The following NELL2 variants were observed in gnomAD, a reference collection of about 807,000 sequenced individuals.
NELL2 encodes neural EGFL like 2, also known as protein kinase C-binding protein NELL2.
A neutral mutation model predicts 109.6 loss-of-function variants in NELL2; 41 were observed. The observed-to-expected ratio is 0.37, with a 90% CI of 0.29 to 0.49. The LOEUF (loss-of-function observed/expected upper bound fraction) is 0.49, where lower values mean the gene tolerates loss of function less well. Among genes scored for constraint, NELL2 ranks in the 20% least tolerant of loss-of-function variants. The pLI, the probability that NELL2 is intolerant of heterozygous loss-of-function variation, is 0.98. For synonymous variants in NELL2, 355 were observed against 344.7 expected, an observed-to-expected ratio of 1.03 and a Z score of -0.33; for missense variants, 900 against 1,008.3, an observed-to-expected ratio of 0.89 and a Z score of 1.45.
At position 44,705,394 on chromosome 12, in the gene NELL2, A is replaced by G. The variant is rs542431970; in HGVS notation, c.1190-1540T>C. On this transcript the variant is annotated intron_variant, in intron 11 of 19. Transcript: ENST00000429094. ...TATTAAGTCCAGAAAAATATAGTCA[A>G]TAACAGCATTTAAAATACTTGGCAA... is the stretch of plus-strand genomic sequence containing the variant. Among the ~76,000 whole-genome samples, 3 of 152,358 alleles carry G rather than the reference A, an allele frequency of 2.0e-5. No homozygotes were observed. The East Asian group carries it at 5.8e-4, about 29-fold the overall frequency.
intron 13 of NELL2, among the ~76,000 whole-genome samples, chr12:44,626,450 G>T (rs377454246): frequency 6.6e-6 from 1 of 152,168 alleles, no homozygotes; most frequent in African/African-American, 2.4e-5. Flanking sequence ...GACACGCTCT[G>T]TCTCAGATCA....
intron 4 of NELL2, 28 bp downstream of exon 4, chr12:44,779,821 T>C (rs763378195): frequency 6.2e-6 from 10 of 1,613,504 alleles, no homozygotes; most frequent in Non-Finnish European, 8.5e-6. Context: ...GAATCTTCCA[T>C]TTCCTAAAAT....
intron 12 of NELL2, among the ~76,000 whole-genome samples, chr12:44,690,878 A>G (rs1463381406): frequency 1.3e-5 from 2 of 152,232 alleles, no homozygotes; most frequent in East Asian, 1.9e-4. Context: ...CTATAGATCC[A>G]CCTCAGAAAA....
At chr12:44,576,496 T>G (rs1221491857) in intron 15 of NELL2, among the ~76,000 whole-genome samples, 1 of 152,092 alleles carries the variant, frequency 6.6e-6, no homozygotes, top group Non-Finnish European at 1.5e-5. Flanking sequence ...ATCTCATTCC[T>G]GGGGAGACAT....
At chr12:44,821,921 A>C (rs1004774840) in intron 2 of NELL2, among the ~76,000 whole-genome samples, 2 of 149,892 alleles carry the variant, frequency 1.3e-5, no homozygotes, top group Admixed American at 1.3e-4. Flanking sequence ...TTATTTATTT[A>C]TTTATTTATT....
At chr12:44,591,386 C>T (rs1205105262) in intron 15 of NELL2, among the ~76,000 whole-genome samples, 3 of 152,014 alleles carry the variant, frequency 2.0e-5, no homozygotes, top group Non-Finnish European at 4.4e-5. Context: ...AGGTGCCCAA[C>T]AACAGATGAA....
rs1944943197 is a variant in NELL2 at position 44,864,878 on chromosome 12, T to C, written c.184+10347A>G. Among the ~76,000 whole-genome samples, 5 of 151,860 alleles carry C rather than the reference T, an allele frequency of 3.3e-5. No individual in the cohort carries two copies. The South Asian group carries it at 8.3e-4, about 25-fold the overall frequency. ...AGCATGATTTATAGTCATTTGGGTA[T>C]ATACCCAGTAATGGGATGGCTGGGT... On this transcript the variant is annotated intron_variant, in intron 2 of 19. Coordinates refer to ENST00000429094, the MANE Select transcript of NELL2 (RefSeq NM_001145108.2).
At chr12:44,744,246 A>C (rs1007663470) in intron 9 of NELL2, among the ~76,000 whole-genome samples, 20 of 152,342 alleles carry the variant, frequency 1.3e-4, no homozygotes, top group African/African-American at 4.8e-4. Flanking sequence ...TGTTCTTTGA[A>C]ACCAACGAGA....
At chr12:44,716,776 G>C (rs1362003758) in intron 9 of NELL2, among the ~76,000 whole-genome samples, 1 of 151,980 alleles carries the variant, frequency 6.6e-6, no homozygotes, top group Non-Finnish European at 1.5e-5. Context: ...AGCGTATGTG[G>C]AAGAAAAACA....
chr12:44,789,575 C>A (rs571614077), intron 3 of NELL2, among the ~76,000 whole-genome samples: 1 of 151,986 alleles, frequency 6.6e-6, no homozygotes, highest in African/African-American at 2.4e-5. Flanking sequence ...CTTTAACACC[C>A]CCCAAAAATC....
intron 3 of NELL2, among the ~76,000 whole-genome samples, chr12:44,782,606 T>A (rs1942006284): frequency 6.6e-6 from 1 of 151,782 alleles, no homozygotes; most frequent in Non-Finnish European, 1.5e-5. Flanking sequence ...TATATTAATT[T>A]CAGAAAAATA....
chr12:44,862,129 G>T (rs1262097846), intron 2 of NELL2, among the ~76,000 whole-genome samples: 1 of 152,080 alleles, frequency 6.6e-6, no homozygotes. Context: ...AATAAAATCA[G>T]GAAAATAATA....
intron 15 of NELL2, among the ~76,000 whole-genome samples, chr12:44,573,870 A>T (rs959984920): frequency 2.6e-5 from 4 of 152,160 alleles, no homozygotes; most frequent in Admixed American, 1.3e-4. Flanking sequence ...GGGAGACTAT[A>T]CCAGTTTCTA....
At chr12:44,576,398 G>A (rs1467162276) in intron 15 of NELL2, among the ~76,000 whole-genome samples, 1 of 152,160 alleles carries the variant, frequency 6.6e-6, no homozygotes, top group Non-Finnish European at 1.5e-5. Context: ...AAATCACAGG[G>A]TCTTCCCAGT....
intron 15 of NELL2, among the ~76,000 whole-genome samples, chr12:44,603,273 G>A (rs1945284806): frequency 6.6e-6 from 1 of 151,616 alleles, no homozygotes; most frequent in Non-Finnish European, 1.5e-5. Flanking sequence ...TTTTTTTTCA[G>A]CTTTGCCATT....
intron 2 of NELL2, among the ~76,000 whole-genome samples, chr12:44,861,908 A>C (rs1391864678): frequency 6.6e-6 from 1 of 152,390 alleles, no homozygotes; most frequent in East Asian, 1.9e-4. Flanking sequence ...AAAGACTAGA[A>C]TAAGTCCCTA....
chr12:44,523,642 G>A (rs1941639267), intron 16 of NELL2, 158 bp from the exon 17 acceptor site: 3 of 615,394 alleles, frequency 4.9e-6, no homozygotes, highest in Non-Finnish European at 8.5e-6. Flanking sequence ...CTAAAGCAAT[G>A]TTAATGATCT....
At chr12:44,810,388 G>A (rs1479965403) in intron 3 of NELL2, among the ~76,000 whole-genome samples, 6 of 152,032 alleles carry the variant, frequency 3.9e-5, no homozygotes, top group Admixed American at 2.6e-4. Flanking sequence ...TGGGGTTATC[G>A]CTAAATGTCA....
At chr12:44,510,379 A>C (rs528258329) in intron 19 of NELL2, among the ~76,000 whole-genome samples, 18 of 152,344 alleles carry the variant, frequency 1.2e-4, no homozygotes, top group Admixed American at 5.2e-4. Flanking sequence ...TAAATGGTAG[A>C]GCTAGGATTA....
Sources: gnomAD v4.1 joint callset for allele counts (sites outside exome capture counted in the v4.1 genomes callset) on GRCh38, gnomAD v4.1.1 for gene constraint, MANE v1.5 for transcripts, NCBI Gene and HGNC (gene_info 2026-07-23, HGNC 2026-07-21) for gene names.